The following TTC27 variants were observed in gnomAD, a reference collection of about 807,000 sequenced individuals.
The protein encoded by TTC27 is tetratricopeptide repeat domain 27.
A neutral mutation model predicts 115.9 loss-of-function variants in TTC27; 79 were observed. That is an observed-to-expected ratio of 0.68 (90% CI 0.57 to 0.82). The LOEUF is 0.82. TTC27 is among the 40% of genes least tolerant of loss of function. The probability of loss-of-function intolerance (pLI) is 0.00; values close to 1 mark genes in which losing one functional copy is unlikely to be tolerated. For missense variants in TTC27, 1,054 were observed against 993.1 expected, an observed-to-expected ratio of 1.06 and a Z score of -0.82; for synonymous variants, 401 against 356.0, an observed-to-expected ratio of 1.13 and a Z score of -1.42.
At chr2:32,681,010 A>T (rs957921571) in intron 9 of TTC27, among the ~76,000 whole-genome samples, 1 of 152,094 alleles carries the variant, frequency 6.6e-6, no homozygotes, top group Non-Finnish European at 1.5e-5. Context: ...CTTGCAGTGA[A>T]GGTCATAAAT....
At chr2:32,660,881 C>G (rs946954881) in intron 5 of TTC27, among the ~76,000 whole-genome samples, 1 of 152,122 alleles carries the variant, frequency 6.6e-6, no homozygotes, top group Non-Finnish European at 1.5e-5. Flanking sequence ...AGGTTTTCTT[C>G]TAGGATTTTT....
chr2:32,732,056 C>T (rs957715187), intron 10 of TTC27, among the ~76,000 whole-genome samples: 1 of 151,722 alleles, frequency 6.6e-6, no homozygotes, highest in Non-Finnish European at 1.5e-5. Context: ...GTTATTTTTT[C>T]TTTCCAAAAA....
At chr2:32,787,916 C>A (rs1054568681) in intron 16 of TTC27, among the ~76,000 whole-genome samples, 1 of 152,182 alleles carries the variant, frequency 6.6e-6, no homozygotes. Context: ...TCTAGTGAAT[C>A]TGTTTGCACA....
intron 12 of TTC27, among the ~76,000 whole-genome samples, chr2:32,755,387 C>A (rs1179006335): frequency 2.0e-5 from 3 of 152,188 alleles, no homozygotes; most frequent in African/African-American, 7.2e-5. Context: ...TGGAGACCAG[C>A]CCGGCCAACA....
At chr2:32,659,678 C>G (rs1325566299) in intron 5 of TTC27, among the ~76,000 whole-genome samples, 2 of 152,062 alleles carry the variant, frequency 1.3e-5, no homozygotes, top group African/African-American at 4.8e-5. Context: ...TAATGCTATC[C>G]TAGTCCTCCA....
chr2:32,762,276 AGTGTG>A (rs1179466913), intron 13 of TTC27, among the ~76,000 whole-genome samples: 3 of 136,236 alleles, frequency 2.2e-5, no homozygotes, highest in African/African-American at 8.4e-5. Flanking sequence ...CACAGAGAGA[AGTGTG>A]TGTGTGTGTG....
intron 15 of TTC27, among the ~76,000 whole-genome samples, chr2:32,783,169 T>C (rs11901650): frequency 0.092 from 14,065 of 152,214 alleles, 769 homozygotes; most frequent in Middle Eastern, 0.23. Context: ...AATGAGAATA[T>C]AAAGAGGGCT....
chr2:32,677,228 C>T (rs1020010144), intron 8 of TTC27, among the ~76,000 whole-genome samples: 9 of 152,228 alleles, frequency 5.9e-5, no homozygotes, highest in African/African-American at 2.2e-4. Context: ...CTGCAATTTA[C>T]TTTGCAGTAT....
chr2:32,699,127 C>T (rs535187176), intron 9 of TTC27, among the ~76,000 whole-genome samples: 1 of 152,310 alleles, frequency 6.6e-6, no homozygotes, highest in African/African-American at 2.4e-5. Context: ...CCCTTTCTTG[C>T]AGTGCACCCA....
chr2:32,743,997 G>A (rs1668733885), intron 12 of TTC27, among the ~76,000 whole-genome samples: 1 of 152,212 alleles, frequency 6.6e-6, no homozygotes, highest in African/African-American at 2.4e-5. Flanking sequence ...TTCATCCAAT[G>A]TTTATAGACT....
chr2:32,803,685 G>A (rs973392919), intron 16 of TTC27, among the ~76,000 whole-genome samples: 4 of 152,054 alleles, frequency 2.6e-5, no homozygotes, highest in South Asian at 2.1e-4. Context: ...AAAACTTCAC[G>A]TTGGGGAAAA....
At chr2:32,780,850 GTT>G (rs141309612) in intron 14 of TTC27, among the ~76,000 whole-genome samples, 26,064 of 143,188 alleles carry the variant, frequency 0.18, 2,290 homozygotes, top group Admixed American at 0.25. Flanking sequence ...TCTAGTAGGT[GTT>G]TTTTTTTTTT....
chr2:32,664,835 CTTT>C (rs1233866120), intron 6 of TTC27, among the ~76,000 whole-genome samples: 1 of 136,984 alleles, frequency 7.3e-6, no homozygotes, highest in Non-Finnish European at 1.6e-5. Flanking sequence ...TTCCATCTTG[CTTT>C]TTTTTTTTTT....
intron 10 of TTC27, among the ~76,000 whole-genome samples, chr2:32,727,180 C>T (rs1668139431): frequency 6.6e-6 from 1 of 152,176 alleles, no homozygotes; most frequent in Non-Finnish European, 1.5e-5. Context: ...CAACTATGAA[C>T]TTCATAGCTT....
intron 16 of TTC27, among the ~76,000 whole-genome samples, chr2:32,793,715 G>T (rs548291451): frequency 5.3e-5 from 8 of 152,110 alleles, no homozygotes; most frequent in Admixed American, 4.6e-4. Context: ...TAGAGACGGG[G>T]TTTCACCATG....
intron 11 of TTC27, among the ~76,000 whole-genome samples, chr2:32,734,367 C>G (rs1175262641): frequency 6.6e-6 from 1 of 151,996 alleles, no homozygotes; most frequent in East Asian, 1.9e-4. Context: ...CACTACCATG[C>G]CTGGCTTTGA....
Position 32,708,301 on chromosome 2 carries a change from CTTG to C in TTC27, c.1233+5384_1233+5386del, listed in dbSNP as rs1431360421. Among the ~76,000 whole-genome samples the C allele has an allele frequency of 1.6e-3, 130 of 80,290 alleles. 1 individual carries two copies. The highest frequency in any genetic ancestry group is 2.5e-3 in the Non-Finnish European group (100 of 39,900). 52.7% of individuals were successfully genotyped at this position (80,290 alleles called of 152,430 possible). A position where few individuals can be genotyped will look rare whatever the true frequency, so the allele number is the denominator to read the frequency against. On this transcript the variant is annotated intron_variant, in intron 10 of 19. Coordinates refer to ENST00000317907, the MANE Select transcript of TTC27 (RefSeq NM_017735.5). ...CTTAATAGCGTTTTCTTTTCTCTAC[CTTG>C]TTTTTTTTTTTTTTTTTTTTTTAAT...
intron 12 of TTC27, among the ~76,000 whole-genome samples, chr2:32,751,294 A>ACACG (rs1553315224): frequency 2.0e-5 from 3 of 151,414 alleles, no homozygotes; most frequent in South Asian, 2.1e-4. Context: ...ACACACACAC[A>ACACG]CACACACATG....
chr2:32,746,022 C>A (rs1668813276), intron 12 of TTC27, among the ~76,000 whole-genome samples: 1 of 151,204 alleles, frequency 6.6e-6, no homozygotes. Context: ...ATAGTCATTG[C>A]CAAAAAAAAG....
Sources: allele counts gnomAD v4.1 joint callset (sites outside exome capture counted in the v4.1 genomes callset), GRCh38; gene constraint gnomAD v4.1.1; transcripts MANE v1.5; gene names NCBI Gene and HGNC (gene_info 2026-07-23, HGNC 2026-07-21).